Variants in TMEM268 observed in about 807,000 individuals in gnomAD.
TMEM268 encodes transmembrane protein 268.
A neutral mutation model predicts 39.1 loss-of-function variants in TMEM268; 24 were observed. That is an observed-to-expected ratio of 0.61 (90% CI 0.44 to 0.86). TMEM268 has a LOEUF of 0.86. TMEM268 is among the 40% of genes least tolerant of loss of function. TMEM268 has a pLI of 0.00. For missense variants in TMEM268, 409 were observed against 428.6 expected (o/e 0.95, Z 0.40); for synonymous variants, 176 against 173.5 (o/e 1.01, Z -0.12).
intron 2 of TMEM268, chr9:114,622,613 G>A (rs372827898): frequency 1.5e-5 from 9 of 595,296 alleles, no homozygotes; most frequent in African/African-American, 8.1e-5. Context: ...CTTGGAGGGC[G>A]GGGGCTTTGG....
At position 114,617,233 on chromosome 9, in the gene TMEM268, G is replaced by C. The variant is rs1287470191; in HGVS notation, c.38G>C (p.Gly13Ala). Residue 13 changes from glycine to alanine, a missense_variant, in exon 2 of 9, where the codon GGC becomes GCC. Gly to Ala is a moderately conservative substitution (Grantham distance 60, BLOSUM62 0). Transcript: ENST00000288502. ...CCACAGGTGGACCCGGGGGCCACTG[G>C]CCCATTGCCCCCCTCCTCCCCTGGC... ...CEPQVDPGAT[G>A]PLPPSSPGWS... is the part of the protein sequence containing the mutation. The C allele has an allele frequency of 6.2e-7, 1 of 1,611,958 alleles. No individual in the cohort carries two copies. The highest frequency in any genetic ancestry group is 2.2e-5 in the East Asian group (1 of 44,784).
the TMEM268 span, among the ~76,000 whole-genome samples, chr9:114,604,513 G>A: frequency 4.0e-5 from 6 of 148,228 alleles, no homozygotes; most frequent in Non-Finnish European, 7.4e-5. Context: ...CTGGGAGTTG[G>A]AGGTTGCAGT....
At chr9:114,609,542 G>A (rs574091793), upstream of TMEM268, among the ~76,000 whole-genome samples, 4 of 151,186 alleles carry the variant, frequency 2.6e-5, no homozygotes, top group African/African-American at 7.3e-5. Flanking sequence ...AACATTAGCC[G>A]GGAGTGGTGG....
chr9:114,640,867 GTCTC>G (rs909740595), intron 8 of TMEM268, among the ~76,000 whole-genome samples: 23 of 151,522 alleles, frequency 1.5e-4, no homozygotes, highest in Admixed American at 1.4e-3. Context: ...CTGTCTATTA[GTCTC>G]TCTCTCTCTC....
chr9:114,631,214 G>A (rs1044885684), intron 5 of TMEM268, among the ~76,000 whole-genome samples: 21 of 148,274 alleles, frequency 1.4e-4, no homozygotes, highest in Non-Finnish European at 2.8e-4. Flanking sequence ...GAGGTGGGAG[G>A]ATTGCTTGAG....
intron 2 of TMEM268, among the ~76,000 whole-genome samples, chr9:114,620,547 C>T: frequency 6.6e-6 from 1 of 151,970 alleles, no homozygotes. Flanking sequence ...CCATGCCTGG[C>T]CAGTTTTATC....
Position 114,626,953 on chromosome 9 carries a change from G to C in TMEM268, c.271G>C (p.Val91Leu). 6.2e-7 allele frequency: 1 copy of C among 1,613,764 alleles called. No individual in the cohort carries two copies. Among genetic ancestry groups the C allele is most frequent in the Non-Finnish European group, 8.5e-7 (1 of 1,179,696 alleles). Residue 91 changes from valine (V) to leucine (L), a missense_variant, in exon 4 of 9, where the codon GTG becomes CTG. By Grantham distance (32) the Val-to-Leu change is conservative (BLOSUM62 1). Coordinates refer to ENST00000288502, the MANE Select transcript of TMEM268 (RefSeq NM_153045.4). ...LAESALLEPQ[V>L]RRYIIYNSRP... ...TGAGAGTGCCCTCTTGGAGCCCCAA[G>C]TGAGAAGATATATCATCTACAACTC...
chr9:114,637,124 C>A (rs937314542), intron 7 of TMEM268, 54 bp downstream of exon 7: 9 of 1,159,780 alleles, frequency 7.8e-6, no homozygotes, highest in South Asian at 1.2e-5. Context: ...CAAGTTGTAT[C>A]GATTTCATTA....
chr9:114,636,701 A>G (rs1846653763), intron 6 of TMEM268, among the ~76,000 whole-genome samples: 1 of 152,068 alleles, frequency 6.6e-6, no homozygotes, highest in Admixed American at 6.5e-5. Context: ...GGGTTTCACC[A>G]TGTTGGCCAG....
chr9:114,635,851 AGTGGCCATGAG>A (rs1846613299), intron 6 of TMEM268, among the ~76,000 whole-genome samples: 1 of 152,194 alleles, frequency 6.6e-6, no homozygotes, highest in Admixed American at 6.5e-5. Context: ...ATGAACCAAG[AGTGGCCATGAG>A]GTGACCTAAC....
At chr9:114,631,715 C>T (rs1169752004) in intron 5 of TMEM268, among the ~76,000 whole-genome samples, 1 of 152,156 alleles carries the variant, frequency 6.6e-6, no homozygotes, top group Admixed American at 6.5e-5. Flanking sequence ...CTTCTTACTA[C>T]AGATCTAGGC....
chr9:114,617,118 G>A lies in TMEM268; in HGVS notation c.-78G>A. 1.1e-6 allele frequency: 1 copy of A among 908,818 alleles called. No homozygotes were observed. The highest frequency in any genetic ancestry group is 1.7e-6 in the Non-Finnish European group (1 of 585,392). 56.3% of individuals were successfully genotyped at this position (908,818 alleles called of 1,614,324 possible). A position where few individuals can be genotyped will look rare whatever the true frequency, so the allele number is the denominator to read the frequency against. On this transcript the variant is annotated splice_region_variant and 5_prime_UTR_variant, in exon 2 of 9. Coordinates refer to ENST00000288502, the MANE Select transcript of TMEM268 (RefSeq NM_153045.4). Reference sequence around the variant, plus strand: ...TTCTTTTTTGTGCTGTTTTCTGAAGGCATATGATGCTGAGCTGGCTGCTCC... The same window carrying A: ...TTCTTTTTTGTGCTGTTTTCTGAAGACATATGATGCTGAGCTGGCTGCTCC...
Position 114,617,299 on chromosome 9 carries a change from A to G in TMEM268, c.104A>G (p.Gln35Arg). The G allele has an allele frequency of 6.2e-7, 1 of 1,610,572 alleles. No individual in the cohort carries two copies. The highest frequency in any genetic ancestry group is 1.1e-5 in the South Asian group (1 of 90,924). Residue 35 changes from glutamine to arginine, a missense_variant and splice_region_variant, in exon 2 of 9, where the codon CAA becomes CGA. Transcript: ENST00000288502. ...GGAGGGAGCCCTCCTGGCTGGGGGC[A>G]AGGTAAGATCATGACCTTTCATTTT... The part of the protein sequence containing the change: ...LPGGSPPGWG[Q>R]ELHNGQVLTV...
In TMEM268 at chr9:114,611,858, A is replaced by G. The variant is rs74691083; in HGVS notation, c.-79+294A>G. Among the ~76,000 whole-genome samples, 507 of 152,302 alleles carry G rather than the reference A, an allele frequency of 3.3e-3. 16 individuals are homozygous for G. The East Asian group carries it at 0.066, about 20-fold the overall frequency. The stretch of plus-strand genomic sequence containing the variant: ...GATCCCCCATCCTCAGCCGACCTGG[A>G]CAGTTCCAGAGGGCGGAGACTGAGA... On this transcript the variant is annotated intron_variant, in intron 1 of 8. Coordinates refer to ENST00000288502, the MANE Select transcript of TMEM268 (RefSeq NM_153045.4).
intron 3 of TMEM268, among the ~76,000 whole-genome samples, chr9:114,625,277 T>C (rs895897894): frequency 6.6e-6 from 1 of 152,170 alleles, no homozygotes; most frequent in Non-Finnish European, 1.5e-5. Flanking sequence ...TAGCTATTAT[T>C]GTTATGAAGT....
chr9:114,639,320 A>G (rs556724421), intron 8 of TMEM268, among the ~76,000 whole-genome samples: 1 of 152,138 alleles, frequency 6.6e-6, no homozygotes, highest in African/African-American at 2.4e-5. Context: ...TATTTTTATT[A>G]GAGGCAGGGT....
intron 2 of TMEM268, among the ~76,000 whole-genome samples, chr9:114,618,261 G>A (rs1342779224): frequency 2.0e-5 from 3 of 152,224 alleles, no homozygotes; most frequent in African/African-American, 7.2e-5. Context: ...GTGAAGGCCT[G>A]CCTTCATATT....
At chr9:114,637,633 G>A (rs542485040) in intron 7 of TMEM268, among the ~76,000 whole-genome samples, 10 of 152,110 alleles carry the variant, frequency 6.6e-5, no homozygotes, top group Non-Finnish European at 1.2e-4. Context: ...AAATTTTGGT[G>A]GATTCCAAAG....
At chr9:114,640,450 T>A (rs530837976) in intron 8 of TMEM268, among the ~76,000 whole-genome samples, 25 of 152,340 alleles carry the variant, frequency 1.6e-4, no homozygotes, top group African/African-American at 5.5e-4. Context: ...ATTTTTCTCA[T>A]GCATAAAATT....
Sources: gnomAD v4.1 joint callset for allele counts (sites outside exome capture counted in the v4.1 genomes callset) on GRCh38, gnomAD v4.1.1 for gene constraint, MANE v1.5 for transcripts, NCBI Gene and HGNC (gene_info 2026-07-23, HGNC 2026-07-21) for gene names.